Variants in CPSF6 observed in about 807,000 individuals in gnomAD.
CPSF6 encodes the protein cleavage and polyadenylation specificity factor subunit 6.
In CPSF6, 10 loss-of-function variants were observed where a neutral mutation model predicts 56.7. That is an observed-to-expected ratio of 0.18 (90% CI 0.11 to 0.30). The LOEUF is 0.30. CPSF6 is among the 10% of genes least tolerant of loss of function. The pLI is 1.00. For missense variants in CPSF6, 419 were observed against 722.9 expected (o/e 0.58, Z 4.82); for synonymous variants, 248 against 244.8 (o/e 1.01, Z -0.12).
intron 1 of CPSF6, among the ~76,000 whole-genome samples, chr12:69,243,375 G>T (rs576596004): frequency 1.3e-5 from 2 of 152,238 alleles, no homozygotes; most frequent in East Asian, 1.9e-4. Flanking sequence ...ATCATGTGTC[G>T]CTTCACGATG....
intron 1 of CPSF6, among the ~76,000 whole-genome samples, chr12:69,248,251 C>T (rs1434783609): frequency 2.0e-5 from 3 of 152,026 alleles, no homozygotes; most frequent in East Asian, 1.9e-4. Flanking sequence ...AGAATCTGTT[C>T]ACCTATTTAT....
chr12:69,258,522 G>C lies in CPSF6; in HGVS notation c.695-68G>C, dbSNP rs1031274056. The C allele has an allele frequency of 6.8e-7, 1 of 1,466,872 alleles. No homozygotes were observed. The highest frequency in any genetic ancestry group is 9.1e-7 in the Non-Finnish European group (1 of 1,095,180). The allele number at this position is 1,466,872 out of a possible 1,614,324, so 90.9% of individuals were successfully genotyped here. ...TCTATGCGTTTAAAGTATAATCTTG[G>C]CATATAAAAGTTAAAATATCTTATT... On this transcript the variant is annotated intron_variant, in intron 5 of 9. Transcript: ENST00000435070. This position sits in a 1 kb window ranked among gnomAD's most constrained non-coding sequence, Gnocchi z 4.2.
chr12:69,249,034 CAGG>C (rs1872065102), intron 1 of CPSF6, among the ~76,000 whole-genome samples: 1 of 151,426 alleles, frequency 6.6e-6, no homozygotes, highest in Admixed American at 6.6e-5. Flanking sequence ...ATCACGAGGT[CAGG>C]AGATCAAGAC....
intron 8 of CPSF6, 36 bp downstream of exon 8, chr12:69,260,233 C>A: frequency 1.4e-6 from 2 of 1,460,336 alleles, no homozygotes; most frequent in Non-Finnish European, 1.8e-6. Flanking sequence ...TTTAAAAAAA[C>A]TGTTAGTTTA....
At position 69,272,921 on chromosome 12, in the gene CPSF6, CAGTTT is replaced by C. The variant is rs1873317581; in HGVS notation, c.*3415_*3419del. Reference sequence around the variant, plus strand: ...GTATGCGTTTTTTTAACCTTAACTTCAGTTTAAACACTGGTGTATTTATTTTTTTA... The same window carrying C: ...GTATGCGTTTTTTTAACCTTAACTTCAAACACTGGTGTATTTATTTTTTTA... On this transcript the variant is annotated 3_prime_UTR_variant, in exon 10 of 10. Coordinates refer to ENST00000435070, the MANE Select transcript of CPSF6 (RefSeq NM_007007.3). The C allele has an allele frequency of 4.9e-6, 1 of 204,476 alleles. No individual in the cohort carries two copies. Among genetic ancestry groups the C allele is most frequent in the Non-Finnish European group, 1.0e-5 (1 of 98,192 alleles). 12.7% of individuals were successfully genotyped at this position (204,476 alleles called of 1,614,324 possible).
At chr12:69,264,667 A>G (rs1209798920) in intron 9 of CPSF6, among the ~76,000 whole-genome samples, 2 of 152,184 alleles carry the variant, frequency 1.3e-5, no homozygotes, top group African/African-American at 2.4e-5. Flanking sequence ...AAAATTTTAC[A>G]TAAGCATTTC....
intron 8 of CPSF6, 38 bp downstream of exon 8, chr12:69,260,235 G>T: frequency 6.9e-7 from 1 of 1,447,780 alleles, no homozygotes; most frequent in Non-Finnish European, 9.3e-7. Flanking sequence ...TAAAAAAACT[G>T]TTAGTTTACA....
In CPSF6 at chr12:69,249,132, C is replaced by T. The variant is rs1326332714; in HGVS notation, c.61-1997C>T. Among the ~76,000 whole-genome samples the T allele has an allele frequency of 8.2e-5, 7 of 85,094 alleles. No individual in the cohort carries two copies. In the South Asian group the frequency reaches 1.6e-3, roughly 19 times the overall value. The allele number at this position is 85,094 out of a possible 152,430, so 55.8% of individuals were successfully genotyped here. A position where few individuals can be genotyped will look rare whatever the true frequency, so the allele number is the denominator to read the frequency against. ...GAAATTAGCTGGGCAAGGTAGCGGGCGCCTGTAGTCCCAGCTACTCGGGGG... is the reference window on the plus strand; with the variant it reads ...GAAATTAGCTGGGCAAGGTAGCGGGTGCCTGTAGTCCCAGCTACTCGGGGG... On this transcript the variant is annotated intron_variant, in intron 1 of 9. Transcript: ENST00000435070.
At chr12:69,241,925 C>CA (rs57273995) in intron 1 of CPSF6, among the ~76,000 whole-genome samples, 5,243 of 128,886 alleles carry the variant, frequency 0.041, 129 homozygotes, top group African/African-American at 0.079. Context: ...GTTTCTGTAC[C>CA]AAAAAAAAAA....
At chr12:69,249,017 C>T (rs189894175) in intron 1 of CPSF6, among the ~76,000 whole-genome samples, 11 of 151,812 alleles carry the variant, frequency 7.2e-5, no homozygotes, top group Middle Eastern at 3.4e-3. Flanking sequence ...GAGGCCGAGG[C>T]GGGCGGATCA....
At position 69,258,286 on chromosome 12, in the gene CPSF6, G is replaced by T; in HGVS notation, c.695-304G>T. 3.2e-6 allele frequency: 2 copies of T among 619,476 alleles called. No homozygotes were observed. The highest frequency in any genetic ancestry group is 4.5e-5 in the South Asian group (2 of 44,680). The allele number at this position is 619,476 out of a possible 1,614,324, so 38.4% of individuals were successfully genotyped here. ...GCTTGGCATCAGAGTAGAATATAAG[G>T]TGGGTGATTTCACTGTAAGAAGTGT... On this transcript the variant is annotated intron_variant, in intron 5 of 9. Coordinates refer to ENST00000435070, the MANE Select transcript of CPSF6 (RefSeq NM_007007.3). The surrounding 1 kb of genome is among the most constrained non-coding windows in gnomAD (Gnocchi z 4.2).
At chr12:69,262,290 A>C in intron 8 of CPSF6, 83 bp from the exon 9 acceptor site, 2 of 1,422,884 alleles carry the variant, frequency 1.4e-6, no homozygotes, top group Non-Finnish European at 1.8e-6. Flanking sequence ...TTTGCTGCCT[A>C]AGTTTTTTTA....
chr12:69,255,251 T>C (rs1872451315), intron 3 of CPSF6: 1 of 152,220 alleles, frequency 6.6e-6, no homozygotes, highest in Admixed American at 6.5e-5. Flanking sequence ...TTCCACTACA[T>C]GGATATAGCA....
chr12:69,249,077 G>C (rs935908406), intron 1 of CPSF6, among the ~76,000 whole-genome samples: 1 of 144,968 alleles, frequency 6.9e-6, no homozygotes, highest in South Asian at 2.2e-4. Flanking sequence ...TGCCTAACAC[G>C]GTGAAACCCC....
Position 69,269,805 on chromosome 12 carries a change from A to G in CPSF6, c.*297A>G, listed in dbSNP as rs529725803. ...ATTTGGCCATTATGATGTGCAAGCAATTGGAAAAAAAGTCAAGTAAATGCT... is the reference window on the plus strand; with the variant it reads ...ATTTGGCCATTATGATGTGCAAGCAGTTGGAAAAAAAGTCAAGTAAATGCT... On this transcript the variant is annotated 3_prime_UTR_variant, in exon 10 of 10. Transcript: ENST00000435070. The G allele has an allele frequency of 9.7e-4, 175 of 180,444 alleles. 2 individuals carry two copies. Among genetic ancestry groups the G allele is most frequent in the African/African-American group, 3.9e-3 (163 of 41,848 alleles). 11.2% of individuals were successfully genotyped at this position (180,444 alleles called of 1,614,324 possible).
chr12:69,246,379 A>T (rs1183682563), intron 1 of CPSF6, among the ~76,000 whole-genome samples: 1 of 152,206 alleles, frequency 6.6e-6, no homozygotes, highest in Non-Finnish European at 1.5e-5. Flanking sequence ...AGCTAGGTAG[A>T]ATTGATTCAG....
chr12:69,242,320 A>T (rs1000036530), intron 1 of CPSF6, among the ~76,000 whole-genome samples: 7 of 152,152 alleles, frequency 4.6e-5, no homozygotes, highest in African/African-American at 1.7e-4. Context: ...TATCCTGCTG[A>T]GTCTTCTATT....
intron 1 of CPSF6, among the ~76,000 whole-genome samples, chr12:69,240,073 C>T (rs1871525732): frequency 6.6e-6 from 1 of 151,392 alleles, no homozygotes; most frequent in Non-Finnish European, 1.5e-5. Context: ...AGAGAACTGG[C>T]CGCCGCCGCG....
At position 69,253,118 on chromosome 12, in the gene CPSF6, A is replaced by G; in HGVS notation, c.338A>G (p.Lys113Arg). ...SLGVNDILEI[K>R]FFENRANGQS... is the part of the protein sequence containing the mutation. Reference sequence around the variant, plus strand: ...GGAGTAAATGATATTTTGGAGATAAAATTTTTTGAAAATCGGGCAAATGGC... The same window carrying G: ...GGAGTAAATGATATTTTGGAGATAAGATTTTTTGAAAATCGGGCAAATGGC... Residue 113 changes from lysine (K) to arginine (R), a missense_variant, in exon 3 of 10, where the codon AAA (lysine) becomes AGA (arginine). Around this residue, in one of 4 missense-constraint regions of CPSF6, gnomAD observed 125 missense variants for 216.4 expected, o/e 0.58. Coordinates refer to ENST00000435070, the MANE Select transcript of CPSF6 (RefSeq NM_007007.3). 1 of 1,602,728 alleles carries G rather than the reference A, an allele frequency of 6.2e-7. No homozygotes were observed. Among genetic ancestry groups the G allele is most frequent in the Non-Finnish European group, 8.5e-7 (1 of 1,175,364 alleles).
Sources: allele counts gnomAD v4.1 joint callset (sites outside exome capture counted in the v4.1 genomes callset), GRCh38; gene constraint gnomAD v4.1.1; regional missense constraint gnomAD v4.1.1; non-coding constraint Gnocchi (gnomAD v3.1); transcripts MANE v1.5; gene names NCBI Gene and HGNC (gene_info 2026-07-23, HGNC 2026-07-21).